Variants in ZEB2 observed in about 807,000 individuals in gnomAD.
ZEB2 encodes zinc finger E-box binding homeobox 2.
Under a neutral mutation model 99.9 loss-of-function variants are expected in ZEB2, and 6 were observed. The ratio of observed to expected loss-of-function variants is 0.06; its 90% CI spans 0.03 to 0.12. The LOEUF (loss-of-function observed/expected upper bound fraction) is 0.12. Ranked by LOEUF, ZEB2 falls within the 10% of genes least tolerant of loss-of-function variation. ZEB2 has a pLI of 1.00. For missense variants in ZEB2, 969 were observed against 1,502.8 expected (o/e 0.64, Z 5.87); for synonymous variants, 517 against 542.5 (o/e 0.95, Z 0.65).
intron 2 of ZEB2, chr2:144,513,646 G>T: frequency 6.5e-7 from 1 of 1,534,100 alleles, no homozygotes; most frequent in Non-Finnish European, 8.7e-7. Context: ...CCCGGGCTCC[G>T]TGGGAGGCAG....
chr2:144,497,944 TATATTATATAATATATATTA>T (rs1704796856), intron 2 of ZEB2, among the ~76,000 whole-genome samples: 1 of 63,728 alleles, frequency 1.6e-5, no homozygotes, highest in Non-Finnish European at 2.7e-5. Context: ...ATTAATATTA[TATATTATATAATATATATTA>T]ATATTATATA....
At chr2:144,469,047 C>G (rs535695696) in intron 2 of ZEB2, among the ~76,000 whole-genome samples, 2 of 152,222 alleles carry the variant, frequency 1.3e-5, no homozygotes, top group African/African-American at 4.8e-5. Flanking sequence ...TGACACTAAT[C>G]TGTAAGGCTC....
intron 6 of ZEB2, 90 bp downstream of exon 6, chr2:144,403,826 A>T (rs1277083733): frequency 1.6e-5 from 24 of 1,542,740 alleles, no homozygotes; most frequent in Non-Finnish European, 2.1e-5. Flanking sequence ...TCAAAATGCC[A>T]TGAAAAATTA....
intron 2 of ZEB2, among the ~76,000 whole-genome samples, chr2:144,459,396 G>A (rs1218937639): frequency 3.9e-5 from 6 of 152,134 alleles, no homozygotes; most frequent in African/African-American, 1.4e-4. Flanking sequence ...AGCACAATCA[G>A]CCCTCTCAGT....
At chr2:144,442,736 T>C (rs937361901) in intron 2 of ZEB2, among the ~76,000 whole-genome samples, 1 of 152,206 alleles carries the variant, frequency 6.6e-6, no homozygotes, top group Non-Finnish European at 1.5e-5. Context: ...ACAAAGCATG[T>C]ATATTTTAAT....
At chr2:144,397,020 ATGT>A (rs1703238646) in intron 8 of ZEB2, among the ~76,000 whole-genome samples, 1 of 152,206 alleles carries the variant, frequency 6.6e-6, no homozygotes, top group Non-Finnish European at 1.5e-5. Context: ...TAGGTACAAA[ATGT>A]TATTATTATG....
chr2:144,395,504 CT>C (rs1220939618), intron 9 of ZEB2, among the ~76,000 whole-genome samples: 12 of 152,072 alleles, frequency 7.9e-5, no homozygotes, highest in Middle Eastern at 3.4e-3. Context: ...AGATCCTACA[CT>C]TTTTCCCCCC....
intron 3 of ZEB2, chr2:144,426,876 G>A (rs1703696758): frequency 6.6e-6 from 1 of 152,192 alleles, no homozygotes; most frequent in African/African-American, 2.4e-5. Context: ...GTATGTATTT[G>A]AAATGTTATG....
chr2:144,460,842 A>G (rs1275850898), intron 2 of ZEB2, among the ~76,000 whole-genome samples: 3 of 152,132 alleles, frequency 2.0e-5, no homozygotes, highest in Admixed American at 2.0e-4. Flanking sequence ...GCAAAAGACA[A>G]TCTGTCTGCC....
At chr2:144,485,624 CTTTA>C (rs965481534) in intron 2 of ZEB2, among the ~76,000 whole-genome samples, 9 of 151,964 alleles carry the variant, frequency 5.9e-5, no homozygotes, top group African/African-American at 9.7e-5. Flanking sequence ...TCTTTTATTT[CTTTA>C]TTTATTTTTG....
chr2:144,429,132 G>C (rs1375152534), intron 3 of ZEB2: 1 of 152,434 alleles, frequency 6.6e-6, no homozygotes, highest in African/African-American at 2.4e-5. Context: ...ATTTACCTTA[G>C]TTTTATTATA....
In ZEB2 at chr2:144,440,501, ATATATATATATATATTTTTTTTTTT is replaced by A. The variant is rs1399998080; in HGVS notation, c.74-10500_74-10476del. Among the ~76,000 whole-genome samples the A allele has an allele frequency of 6.4e-3, 488 of 76,464 alleles. 1 individual carries two copies. Among genetic ancestry groups the A allele is most frequent in the Non-Finnish European group, 9.3e-3 (379 of 40,780 alleles). 50.2% of individuals were successfully genotyped at this position (76,464 alleles called of 152,430 possible). Reference sequence around the variant, plus strand: ...CCAAAAGCAGTATATATATATATATATATATATATATATATTTTTTTTTTTTTTTTTTTTTTTTTTTAACTAGTGG... The same window carrying A: ...CCAAAAGCAGTATATATATATATATATTTTTTTTTTTTTTTTAACTAGTGG... On this transcript the variant is annotated intron_variant, in intron 2 of 9. Transcript: ENST00000627532.
chr2:144,484,185 TTGTGTG>T (rs10529605), intron 2 of ZEB2, among the ~76,000 whole-genome samples: 4 of 142,416 alleles, frequency 2.8e-5, no homozygotes, highest in Non-Finnish European at 4.6e-5. Context: ...AAATCTGGAT[TTGTGTG>T]TGTGTGTGTG....
At chr2:144,457,128 C>A (rs1018383678) in intron 2 of ZEB2, among the ~76,000 whole-genome samples, 1 of 152,154 alleles carries the variant, frequency 6.6e-6, no homozygotes, top group Non-Finnish European at 1.5e-5. Flanking sequence ...GCCTTAAAAA[C>A]CCTTTTCTTC....
chr2:144,410,607 T>C (rs941522666), intron 4 of ZEB2, among the ~76,000 whole-genome samples: 6 of 152,176 alleles, frequency 3.9e-5, no homozygotes, highest in African/African-American at 2.4e-5. Flanking sequence ...TTACAGGTAA[T>C]GAAATATAGA....
At position 144,389,571 on chromosome 2, in the gene ZEB2, A is replaced by T; in HGVS notation, c.3525T>A (p.Asp1175Glu). The T allele has an allele frequency of 1.2e-6, 2 of 1,613,730 alleles. No homozygotes were observed. Among genetic ancestry groups the T allele is most frequent in the South Asian group, 2.2e-5 (2 of 91,062 alleles). The change falls in exon 10 of 10, where the codon GAT (aspartate) becomes GAA (glutamate). Residue 1175 changes from aspartate (D) to glutamate (E), a missense_variant. By Grantham distance (45) the Asp-to-Glu change is conservative. Around this residue, in one of 8 missense-constraint regions of ZEB2, gnomAD observed 121 missense variants for 166.4 expected, o/e 0.73. Coordinates refer to ENST00000627532, the MANE Select transcript of ZEB2 (RefSeq NM_014795.4). This position sits in a 1 kb window ranked among gnomAD's most constrained non-coding sequence, Gnocchi z 6.8. The part of the protein sequence containing the change: ...EESENKSMDT[D>E]PETIRDEEET... ...CTTCTTCATCTCGTATCGTTTCGGG[A>T]TCCGTATCCATACTTTTATTTTCAC... is the stretch of plus-strand genomic sequence containing the variant.
intron 2 of ZEB2, 119 bp from the exon 3 acceptor site, chr2:144,430,145 G>A: frequency 1.4e-6 from 2 of 1,394,742 alleles, no homozygotes; most frequent in Non-Finnish European, 2.0e-6. Context: ...ACTCAACCAT[G>A]TCAGGAAAAT....
In ZEB2 at chr2:144,438,466, G is replaced by A. The variant is rs188670197; in HGVS notation, c.74-8440C>T. On this transcript the variant is annotated intron_variant, in intron 2 of 9. Transcript: ENST00000627532. Reference sequence around the variant, plus strand: ...TAGGTCTTTAGAAGAGATGTGGCTCGAAGTAGGGGGGCTGGAGATCTGCTT... The same window carrying A: ...TAGGTCTTTAGAAGAGATGTGGCTCAAAGTAGGGGGGCTGGAGATCTGCTT... 4.4e-3 allele frequency among the ~76,000 whole-genome samples: 676 copies of A among 152,004 alleles called. 3 individuals are homozygous for A. The highest frequency in any genetic ancestry group is 6.8e-3 in the Non-Finnish European group (461 of 67,946).
intron 2 of ZEB2, among the ~76,000 whole-genome samples, chr2:144,506,238 G>C (rs758818137): frequency 6.6e-6 from 1 of 152,164 alleles, no homozygotes; most frequent in Non-Finnish European, 1.5e-5. Flanking sequence ...GATGACTGTA[G>C]TGAAAGTTAA....
Sources: allele counts gnomAD v4.1 joint callset (sites outside exome capture counted in the v4.1 genomes callset), GRCh38; gene constraint gnomAD v4.1.1; regional missense constraint gnomAD v4.1.1; non-coding constraint Gnocchi (gnomAD v3.1); transcripts MANE v1.5; gene names NCBI Gene and HGNC (gene_info 2026-07-23, HGNC 2026-07-21).